The following PLCL1 variants were observed in gnomAD, a reference collection of about 807,000 sequenced individuals.
The protein encoded by PLCL1 is phospholipase C like 1 (inactive).
A neutral mutation model predicts 84.4 loss-of-function variants in PLCL1; 41 were observed. That is an observed-to-expected ratio of 0.49 (90% CI 0.38 to 0.63). The LOEUF (loss-of-function observed/expected upper bound fraction) is 0.63. Ranked by LOEUF, PLCL1 falls within the 30% of genes least tolerant of loss-of-function variation. The pLI, the probability that PLCL1 is intolerant of heterozygous loss-of-function variation, is 0.00. For missense variants in PLCL1, 1,206 were observed against 1,367.8 expected (o/e 0.88, Z 1.87); for synonymous variants, 490 against 488.3 (o/e 1.00, Z -0.05).
chr2:198,083,396 A>G (rs1332785127), intron 1 of PLCL1, among the ~76,000 whole-genome samples: 2 of 151,838 alleles, frequency 1.3e-5, no homozygotes, highest in Admixed American at 6.6e-5. Flanking sequence ...GGAAACCTTT[A>G]AAAAAATACA....
chr2:198,010,513 C>A (rs534327370), intron 1 of PLCL1, among the ~76,000 whole-genome samples: 1 of 151,798 alleles, frequency 6.6e-6, no homozygotes, highest in African/African-American at 2.4e-5. Context: ...TTATAAATCC[C>A]TCTTGATCAT....
At chr2:198,051,026 G>T (rs575338229) in intron 1 of PLCL1, among the ~76,000 whole-genome samples, 1 of 152,334 alleles carries the variant, frequency 6.6e-6, no homozygotes, top group African/African-American at 2.4e-5. Flanking sequence ...CGTAAAGAAT[G>T]AAAATTGTGC....
At chr2:197,971,945 T>C (rs1689876838) in intron 1 of PLCL1, among the ~76,000 whole-genome samples, 3 of 152,238 alleles carry the variant, frequency 2.0e-5, no homozygotes, top group Non-Finnish European at 4.4e-5. Flanking sequence ...ATTATAAATA[T>C]AAAAGTAATC....
chr2:197,850,632 T>G (rs1211802975), intron 1 of PLCL1, among the ~76,000 whole-genome samples: 1 of 152,120 alleles, frequency 6.6e-6, no homozygotes, highest in Admixed American at 6.5e-5. Context: ...ACTTTATGGC[T>G]TATATGTTTT....
chr2:197,875,703 A>C (rs576116177), intron 1 of PLCL1, among the ~76,000 whole-genome samples: 1 of 152,072 alleles, frequency 6.6e-6, no homozygotes, highest in African/African-American at 2.4e-5. Context: ...CTTTACTGTC[A>C]TGGTTTCCAA....
At chr2:198,106,829 A>G (rs536458725) in intron 5 of PLCL1, among the ~76,000 whole-genome samples, 4 of 151,830 alleles carry the variant, frequency 2.6e-5, no homozygotes, top group Non-Finnish European at 5.9e-5. Flanking sequence ...GACTCTCTCC[A>G]TCTCACAAAT....
chr2:197,826,597 C>T (rs531170001), intron 1 of PLCL1, among the ~76,000 whole-genome samples: 299 of 152,226 alleles, frequency 2.0e-3, no homozygotes, highest in Non-Finnish European at 3.3e-3. Context: ...ATACATTTGG[C>T]AAAGTTACTT....
intron 3 of PLCL1, among the ~76,000 whole-genome samples, chr2:198,093,353 G>T (rs951559219): frequency 5.9e-5 from 9 of 152,258 alleles, no homozygotes; most frequent in Middle Eastern, 3.4e-3. Context: ...CCACACTAAT[G>T]CAAAATGTAA....
At chr2:197,811,838 G>A (rs989177137) in intron 1 of PLCL1, among the ~76,000 whole-genome samples, 2 of 151,992 alleles carry the variant, frequency 1.3e-5, no homozygotes, top group South Asian at 2.1e-4. Flanking sequence ...TTAGGTTCAG[G>A]GGGTGTACAT....
At chr2:197,834,987 A>G (rs1385527147) in intron 1 of PLCL1, among the ~76,000 whole-genome samples, 3 of 152,264 alleles carry the variant, frequency 2.0e-5, no homozygotes, top group Non-Finnish European at 1.5e-5. Context: ...GGATGAGTTC[A>G]TGTCCTTTGT....
intron 5 of PLCL1, among the ~76,000 whole-genome samples, chr2:198,120,889 T>C (rs779815851): frequency 3.7e-4 from 57 of 152,182 alleles, no homozygotes; most frequent in Non-Finnish European, 6.5e-4. Context: ...TTGAGGAAGC[T>C]CCAAATTGTT....
intron 3 of PLCL1, among the ~76,000 whole-genome samples, chr2:198,090,309 G>A (rs1477633187): frequency 6.6e-6 from 1 of 152,050 alleles, no homozygotes; most frequent in East Asian, 1.9e-4. Context: ...CTATGAATAT[G>A]CCCCTAAGTT....
At chr2:198,117,134 A>G (rs1279020214) in intron 5 of PLCL1, among the ~76,000 whole-genome samples, 2 of 151,892 alleles carry the variant, frequency 1.3e-5, no homozygotes, top group African/African-American at 2.4e-5. Context: ...TCTTGGGTCA[A>G]AAAACATTCC....
rs567676591 is a variant in PLCL1, at chr2:197,963,273, C to G, written c.241-120485C>G. ...GTTATTGACTGAATTTGGTTAAAAG[C>G]CATTTTAACTGGGGCGAGATGATAT... On this transcript the variant is annotated intron_variant, in intron 1 of 5. Coordinates refer to ENST00000428675, the MANE Select transcript of PLCL1 (RefSeq NM_006226.4). Among the ~76,000 whole-genome samples the G allele has an allele frequency of 5.1e-4, 78 of 152,194 alleles. 1 individual carries two copies. In the South Asian group the frequency reaches 0.012, roughly 23 times the overall value.
chr2:198,127,893 CT>C (rs1222150674), intron 5 of PLCL1, among the ~76,000 whole-genome samples: 5 of 151,960 alleles, frequency 3.3e-5, no homozygotes, highest in African/African-American at 1.2e-4. Context: ...GTCATCCCTG[CT>C]TTTTTACTTT....
intron 3 of PLCL1, among the ~76,000 whole-genome samples, chr2:198,097,338 C>T (rs1693226003): frequency 2.0e-5 from 3 of 152,090 alleles, no homozygotes; most frequent in Admixed American, 6.5e-5. Context: ...CCATGGATAT[C>T]AGAGATACAT....
intron 1 of PLCL1, among the ~76,000 whole-genome samples, chr2:197,986,639 G>A (rs1690225041): frequency 6.6e-6 from 1 of 152,192 alleles, no homozygotes; most frequent in South Asian, 2.1e-4. Flanking sequence ...GTGAGCCACA[G>A]AGTCTGGCTT....
intron 1 of PLCL1, among the ~76,000 whole-genome samples, chr2:198,070,710 G>A (rs1692443142): frequency 6.6e-6 from 1 of 151,650 alleles, no homozygotes; most frequent in Admixed American, 6.6e-5. Context: ...TTTCAAAAGA[G>A]CCCTTGAACT....
Position 197,957,315 on chromosome 2 carries a change from A to G in PLCL1, c.241-126443A>G, listed in dbSNP as rs1262655185. On this transcript the variant is annotated intron_variant, in intron 1 of 5. Coordinates refer to ENST00000428675, the MANE Select transcript of PLCL1 (RefSeq NM_006226.4). ...ACTAGATTATGACTTTTTGAGGCAG[A>G]GGCCATGTCTTTTGTTTTGTTTTCC... Among the ~76,000 whole-genome samples the G allele has an allele frequency of 2.6e-5, 4 of 152,050 alleles. No homozygotes were observed. The East Asian group carries it at 5.8e-4, about 22-fold the overall frequency.
Sources: allele counts gnomAD v4.1 joint callset (sites outside exome capture counted in the v4.1 genomes callset), GRCh38; gene constraint gnomAD v4.1.1; transcripts MANE v1.5; gene names NCBI Gene and HGNC (gene_info 2026-07-23, HGNC 2026-07-21).